Variants in PDE1A observed in about 807,000 individuals in gnomAD.
PDE1A encodes dual specificity calcium/calmodulin-dependent 3',5'-cyclic nucleotide phosphodiesterase 1A.
In PDE1A, 35 loss-of-function variants were observed where a neutral mutation model predicts 61.7. That is an observed-to-expected ratio of 0.57 (90% confidence interval 0.43 to 0.75). The LOEUF (loss-of-function observed/expected upper bound fraction) is 0.75, where lower values mean the gene tolerates loss of function less well. Ranked by LOEUF, PDE1A falls within the 30% of genes least tolerant of loss-of-function variation. PDE1A has a pLI of 0.00. For missense variants in PDE1A, 597 were observed against 630.6 expected, an observed-to-expected ratio of 0.95 and a Z score of 0.57; for synonymous variants, 232 against 213.2, an observed-to-expected ratio of 1.09 and a Z score of -0.77.
chr2:182,389,377 C>G (rs1222970855), intron 1 of PDE1A, among the ~76,000 whole-genome samples: 1 of 151,794 alleles, frequency 6.6e-6, no homozygotes, highest in East Asian at 1.9e-4. Context: ...TGTATATATT[C>G]AAAATATACG....
intron 2 of PDE1A, among the ~76,000 whole-genome samples, chr2:182,469,487 C>T (rs1380857042): frequency 6.6e-6 from 1 of 151,988 alleles, no homozygotes; most frequent in Non-Finnish European, 1.5e-5. Flanking sequence ...TAGGCTTTGG[C>T]TAAAGGGAAA....
intron 2 of PDE1A, among the ~76,000 whole-genome samples, chr2:182,478,596 G>A (rs1687516566): frequency 6.6e-6 from 1 of 151,808 alleles, no homozygotes. Flanking sequence ...GTTCAGACCA[G>A]GTTTTAATTG....
At chr2:182,388,989 G>A (rs1362015437) in intron 1 of PDE1A, among the ~76,000 whole-genome samples, 1 of 152,108 alleles carries the variant, frequency 6.6e-6, no homozygotes, top group Admixed American at 6.5e-5. Context: ...AATGCATCAT[G>A]AGAGACTACT....
At chr2:182,475,500 T>C (rs753530698) in intron 2 of PDE1A, among the ~76,000 whole-genome samples, 6 of 151,934 alleles carry the variant, frequency 3.9e-5, no homozygotes, top group Non-Finnish European at 7.4e-5. Flanking sequence ...AGGGCTGGAA[T>C]CCACAGCCAG....
intron 2 of PDE1A, among the ~76,000 whole-genome samples, chr2:182,442,142 G>A (rs910060436): frequency 1.3e-5 from 2 of 151,858 alleles, no homozygotes; most frequent in Non-Finnish European, 2.9e-5. Flanking sequence ...TCACTATTAG[G>A]ACAAACTAGG....
intron 13 of PDE1A, among the ~76,000 whole-genome samples, chr2:182,156,179 A>C (rs1030358286): frequency 6.6e-6 from 1 of 152,166 alleles, no homozygotes; most frequent in Non-Finnish European, 1.5e-5. Context: ...TTATCTGTGC[A>C]GGAAATAGCA....
Position 182,185,883 on chromosome 2 carries a change from C to G in PDE1A, c.1516+9G>C. The G allele has an allele frequency of 6.2e-7, 1 of 1,613,748 alleles. No individual in the cohort carries two copies. The highest frequency in any genetic ancestry group is 8.5e-7 in the Non-Finnish European group (1 of 1,179,840). ...AGAGATGGCAGTAAGGCCTCATAAACAACACTACCTTGTGCAGCTAACTCT... is the reference window on the plus strand; with the variant it reads ...AGAGATGGCAGTAAGGCCTCATAAAGAACACTACCTTGTGCAGCTAACTCT... On this transcript the variant is annotated intron_variant, in intron 13 of 13. Coordinates refer to ENST00000351439, the Ensembl canonical transcript of PDE1A.
rs578209198 is a variant in PDE1A, at chr2:182,202,983, C to T, written c.903-1194G>A. 1.2e-3 allele frequency among the ~76,000 whole-genome samples: 183 copies of T among 152,258 alleles called. 2 individuals are homozygous for T. Among genetic ancestry groups the T allele is most frequent in the African/African-American group, 4.0e-3 (168 of 41,556 alleles). On this transcript the variant is annotated intron_variant, in intron 8 of 13. Transcript: ENST00000351439. ...TACGATCTTGCACAAAGATACTTTA[C>T]TTAAAGATGATATAATCTATTTAAT... is the stretch of plus-strand genomic sequence containing the variant.
At chr2:182,466,132 T>C (rs1487003496) in intron 2 of PDE1A, among the ~76,000 whole-genome samples, 2 of 151,952 alleles carry the variant, frequency 1.3e-5, no homozygotes, top group South Asian at 4.1e-4. Flanking sequence ...TTTAAATGCA[T>C]ACGTTTCTCT....
At chr2:182,419,353 T>C (rs1311646295) in intron 1 of PDE1A, among the ~76,000 whole-genome samples, 1 of 150,262 alleles carries the variant, frequency 6.7e-6, no homozygotes, top group East Asian at 1.9e-4. Flanking sequence ...TTTTTTTTTT[T>C]GAGATAGAGT....
At chr2:182,398,428 G>C (rs1397378519) in intron 1 of PDE1A, among the ~76,000 whole-genome samples, 1 of 151,854 alleles carries the variant, frequency 6.6e-6, no homozygotes. Flanking sequence ...TATACTTTTT[G>C]TACTTTGATG....
chr2:182,563,814 C>G, the PDE1A span, among the ~76,000 whole-genome samples: 3 of 152,002 alleles, frequency 2.0e-5, no homozygotes, highest in Middle Eastern at 3.2e-3. Flanking sequence ...TAGGTAATGC[C>G]CTTCTTTGTC....
At chr2:182,406,137 A>T (rs1483886047) in intron 1 of PDE1A, among the ~76,000 whole-genome samples, 2 of 152,064 alleles carry the variant, frequency 1.3e-5, no homozygotes, top group Non-Finnish European at 2.9e-5. Flanking sequence ...TTTTATTCTC[A>T]CTTCAACTGT....
At chr2:182,393,179 G>A (rs562110101) in intron 1 of PDE1A, among the ~76,000 whole-genome samples, 18 of 152,306 alleles carry the variant, frequency 1.2e-4, no homozygotes, top group African/African-American at 4.3e-4. Context: ...CTGAAATCTA[G>A]GCAGAGGTTC....
At chr2:182,144,152 GAT>G (rs1216730002), downstream of PDE1A, among the ~76,000 whole-genome samples, 2 of 152,194 alleles carry the variant, frequency 1.3e-5, no homozygotes, top group African/African-American at 2.4e-5. Context: ...GATCAATTTT[GAT>G]CTCTTGTTGG....
At chr2:182,519,184 A>C (rs1690401495) in intron 2 of PDE1A, among the ~76,000 whole-genome samples, 2 of 152,260 alleles carry the variant, frequency 1.3e-5, no homozygotes, top group South Asian at 4.1e-4. Context: ...AATTCATAAG[A>C]AACTTCTGAA....
At chr2:182,572,868 CAAAAAAA>C in the PDE1A span, among the ~76,000 whole-genome samples, 1 of 53,012 alleles carries the variant, frequency 1.9e-5, no homozygotes, top group African/African-American at 6.0e-5. Flanking sequence ...GACTCTGTCT[CAAAAAAA>C]AAAAAAAAAA....
chr2:182,419,084 CAT>C (rs1231603646), intron 1 of PDE1A, among the ~76,000 whole-genome samples: 1 of 148,130 alleles, frequency 6.8e-6, no homozygotes, highest in African/African-American at 2.6e-5. Flanking sequence ...AAAAAAAAAA[CAT>C]TGTACTGATA....
At position 182,401,729 on chromosome 2, in the gene PDE1A, A is replaced by T. The variant is rs141644147; in HGVS notation, c.53+24849T>A. The stretch of plus-strand genomic sequence containing the variant: ...GGTATTCAAATAGGAAGAGAGGAAG[A>T]CAAATTGTCTCTGTTTGCAGATGAC... On this transcript the variant is annotated intron_variant, in intron 1 of 13. Coordinates refer to ENST00000351439, the Ensembl canonical transcript of PDE1A. Among the ~76,000 whole-genome samples, 1,502 of 152,308 alleles carry T rather than the reference A, an allele frequency of 9.9e-3. 25 individuals carry two copies. The highest frequency in any genetic ancestry group is 0.034 in the African/African-American group (1,417 of 41,572).
Sources: gnomAD v4.1 joint callset for allele counts (sites outside exome capture counted in the v4.1 genomes callset) on GRCh38, gnomAD v4.1.1 for gene constraint, MANE v1.5 for transcripts, NCBI Gene and HGNC (gene_info 2026-07-23, HGNC 2026-07-21) for gene names.